The following SLC10A7 variants were observed in gnomAD, a reference collection of about 807,000 sequenced individuals.
SLC10A7 encodes solute carrier family 10 member 7.
A neutral mutation model predicts 43.2 loss-of-function variants in SLC10A7; 29 were observed. The ratio of observed to expected loss-of-function variants is 0.67; its 90% CI spans 0.50 to 0.92. The LOEUF is 0.92. Among genes scored for constraint, SLC10A7 ranks in the 40% least tolerant of loss-of-function variants. The pLI, the probability that SLC10A7 is intolerant of heterozygous loss-of-function variation, is 0.00. For synonymous variants in SLC10A7, 152 were observed against 144.8 expected (o/e 1.05, Z -0.35); for missense variants, 295 against 403.2 (o/e 0.73, Z 2.30).
rs192870362 is a variant in SLC10A7 at position 146,373,582 on chromosome 4, T to A, written c.436-47586A>T. On this transcript the variant is annotated intron_variant, in intron 5 of 11. Coordinates refer to ENST00000335472, the MANE Select transcript of SLC10A7 (RefSeq NM_001029998.6). ...GTCAAAAAGCACCATAGTAAAAGCT[T>A]AGATTTATCCTGAGAGACATGAGAC... Among the ~76,000 whole-genome samples, 614 of 152,174 alleles carry A rather than the reference T, an allele frequency of 4.0e-3. 1 individual carries two copies. The highest frequency in any genetic ancestry group is 0.014 in the African/African-American group (571 of 41,512).
intron 5 of SLC10A7, among the ~76,000 whole-genome samples, chr4:146,372,096 C>T (rs1271928981): frequency 1.3e-5 from 2 of 152,116 alleles, no homozygotes; most frequent in Non-Finnish European, 2.9e-5. Context: ...TCAGGACTTC[C>T]TGGGCCTAAA....
chr4:146,435,844 A>G (rs758638702), intron 5 of SLC10A7, among the ~76,000 whole-genome samples: 3 of 152,142 alleles, frequency 2.0e-5, no homozygotes, highest in African/African-American at 4.8e-5. Context: ...ATTCTGAACC[A>G]GAATAATTTA....
At chr4:146,258,157 T>C (rs1036719311) in intron 11 of SLC10A7, among the ~76,000 whole-genome samples, 1 of 152,212 alleles carries the variant, frequency 6.6e-6, no homozygotes, top group African/African-American at 2.4e-5. Flanking sequence ...AGATTCTAAG[T>C]GTGGTGAAAT....
chr4:146,310,697 T>G (rs1235487902), intron 6 of SLC10A7, among the ~76,000 whole-genome samples: 2 of 152,076 alleles, frequency 1.3e-5, no homozygotes, highest in African/African-American at 2.4e-5. Flanking sequence ...CCCCTTGATG[T>G]TGGTTTTATT....
intron 5 of SLC10A7, among the ~76,000 whole-genome samples, chr4:146,430,249 A>G (rs911023511): frequency 2.6e-5 from 4 of 152,086 alleles, no homozygotes; most frequent in African/African-American, 9.7e-5. Flanking sequence ...CACTCGGAGG[A>G]TCCCTGAATG....
intron 5 of SLC10A7, among the ~76,000 whole-genome samples, chr4:146,424,937 A>C (rs1197509778): frequency 6.6e-6 from 1 of 152,190 alleles, no homozygotes; most frequent in Admixed American, 6.5e-5. Flanking sequence ...AAATGTCATA[A>C]TTATGTAAAT....
At chr4:146,284,452 C>A (rs180787148) in intron 9 of SLC10A7, among the ~76,000 whole-genome samples, 39 of 152,236 alleles carry the variant, frequency 2.6e-4, no homozygotes, top group African/African-American at 9.1e-4. Context: ...CCCCTCAACT[C>A]CCCGCCGGGT....
chr4:146,351,483 T>C (rs1459529333), intron 5 of SLC10A7, among the ~76,000 whole-genome samples: 2 of 150,134 alleles, frequency 1.3e-5, no homozygotes, highest in African/African-American at 4.9e-5. Context: ...CCAGGAGAAC[T>C]TCCCCAATCT....
At chr4:146,410,143 A>T (rs577406957) in intron 5 of SLC10A7, among the ~76,000 whole-genome samples, 1 of 152,172 alleles carries the variant, frequency 6.6e-6, no homozygotes, top group Non-Finnish European at 1.5e-5. Context: ...CACTATATAG[A>T]TGAGAACATA....
chr4:146,460,057 G>A (rs1732399814), intron 4 of SLC10A7, among the ~76,000 whole-genome samples: 1 of 151,920 alleles, frequency 6.6e-6, no homozygotes, highest in Non-Finnish European at 1.5e-5. Flanking sequence ...AAGAAGAGAT[G>A]TGGATGACAA....
rs2149773544 is a variant in SLC10A7, at chr4:146,367,774, T to C, written c.436-41778A>G. 2.0e-5 allele frequency among the ~76,000 whole-genome samples: 3 copies of C among 152,324 alleles called. No individual in the cohort carries two copies. The Middle Eastern group carries it at 0.01, about 518-fold the overall frequency. ...CTTCTGTTTATTCAGTAGTTATTTA[T>C]ACTCTTCTACCAACCCTACCTTACC... On this transcript the variant is annotated intron_variant, in intron 5 of 11. Transcript: ENST00000335472.
chr4:146,431,913 C>G (rs1159851302), intron 5 of SLC10A7, among the ~76,000 whole-genome samples: 1 of 151,974 alleles, frequency 6.6e-6, no homozygotes, highest in African/African-American at 2.4e-5. Flanking sequence ...GACTGGTGTC[C>G]AAAACATACT....
At chr4:146,396,818 T>C (rs758446756) in intron 5 of SLC10A7, among the ~76,000 whole-genome samples, 22 of 147,148 alleles carry the variant, frequency 1.5e-4, no homozygotes, top group African/African-American at 2.5e-4. Flanking sequence ...AAAAAAAGCA[T>C]TGAGGGACCA....
At chr4:146,376,026 T>C (rs552002783) in intron 5 of SLC10A7, among the ~76,000 whole-genome samples, 2 of 152,280 alleles carry the variant, frequency 1.3e-5, no homozygotes, top group Admixed American at 6.5e-5. Context: ...GGAAACACTT[T>C]ACTTACGTTT....
intron 10 of SLC10A7, among the ~76,000 whole-genome samples, chr4:146,280,825 A>G (rs1390099001): frequency 1.3e-5 from 2 of 152,168 alleles, no homozygotes; most frequent in African/African-American, 4.8e-5. Flanking sequence ...CAGAAGCCAA[A>G]TATGATCAAG....
intron 7 of SLC10A7, 56 bp from the exon 8 acceptor site, chr4:146,294,151 G>A: frequency 3.7e-6 from 5 of 1,362,262 alleles, no homozygotes; most frequent in Non-Finnish European, 4.0e-6. Flanking sequence ...GAGTTGAAAT[G>A]GGCATCACAA....
chr4:146,256,310 C>T lies in SLC10A7; in HGVS notation c.*181G>A, dbSNP rs1727883041. On this transcript the variant is annotated 3_prime_UTR_variant, in exon 12 of 12. Coordinates refer to ENST00000335472, the MANE Select transcript of SLC10A7 (RefSeq NM_001029998.6). Reference sequence around the variant, plus strand: ...CCACCCCTGGCAGTAATCAACAAAGCATATTTTGGAAATAACGCTCTTGTC... The same window carrying T: ...CCACCCCTGGCAGTAATCAACAAAGTATATTTTGGAAATAACGCTCTTGTC... 1.1e-5 allele frequency: 7 copies of T among 623,928 alleles called. No homozygotes were observed. In the South Asian group the frequency reaches 1.4e-4, roughly 12 times the overall value. The allele number at this position is 623,928 out of a possible 1,614,324, so 38.6% of individuals were successfully genotyped here. A position where few individuals can be genotyped will look rare whatever the true frequency, so the allele number is the denominator to read the frequency against.
chr4:146,420,948 G>A (rs1728918107), intron 5 of SLC10A7, among the ~76,000 whole-genome samples: 1 of 152,064 alleles, frequency 6.6e-6, no homozygotes. Context: ...GATTGCTTGA[G>A]CCCTGGAGGT....
intron 7 of SLC10A7, among the ~76,000 whole-genome samples, chr4:146,296,279 AT>A (rs1203739823): frequency 2.0e-5 from 3 of 152,122 alleles, no homozygotes; most frequent in African/African-American, 7.2e-5. Flanking sequence ...ATTTTGTATT[AT>A]TTTTATTGCA....
Sources: allele counts gnomAD v4.1 joint callset (sites outside exome capture counted in the v4.1 genomes callset), GRCh38; gene constraint gnomAD v4.1.1; transcripts MANE v1.5; gene names NCBI Gene and HGNC (gene_info 2026-07-23, HGNC 2026-07-21).